CACNA2D1: variants seen among roughly 807,000 people sequenced by gnomAD.
CACNA2D1 encodes voltage-dependent calcium channel subunit alpha-2/delta-1.
CACNA2D1 carries 53 observed loss-of-function variants against 171.5 expected under a neutral mutation model. The observed-to-expected ratio is 0.31, with a 90% CI of 0.25 to 0.39. The LOEUF (loss-of-function observed/expected upper bound fraction) is 0.39. CACNA2D1 is among the 10% of genes least tolerant of loss of function. The probability of loss-of-function intolerance (pLI) is 1.00; values close to 1 mark genes in which losing one functional copy is unlikely to be tolerated. For synonymous variants in CACNA2D1, 442 were observed against 443.1 expected (o/e 1.00, Z 0.03); for missense variants, 903 against 1,299.8 (o/e 0.69, Z 4.69).
chr7:82,169,356 T>C (rs1244513513), intron 4 of CACNA2D1, among the ~76,000 whole-genome samples: 1 of 152,022 alleles, frequency 6.6e-6, no homozygotes, highest in Admixed American at 6.6e-5. Flanking sequence ...ATAATATTAA[T>C]ACCAATCAAG....
chr7:81,960,220 G>C (rs536032517), intron 36 of CACNA2D1, among the ~76,000 whole-genome samples: 3 of 152,108 alleles, frequency 2.0e-5, no homozygotes, highest in African/African-American at 7.2e-5. Context: ...AAAATGTCTA[G>C]GCATCTTGCC....
chr7:82,208,992 G>A (rs968708569), intron 3 of CACNA2D1, among the ~76,000 whole-genome samples: 1 of 151,996 alleles, frequency 6.6e-6, no homozygotes. Flanking sequence ...AAAAAGAAAA[G>A]CTCAGCTTAT....
At chr7:82,286,037 CCT>C (rs1563311090) in intron 3 of CACNA2D1, among the ~76,000 whole-genome samples, 1 of 152,150 alleles carries the variant, frequency 6.6e-6, no homozygotes, top group African/African-American at 2.4e-5. Flanking sequence ...GTCTCTTCTT[CCT>C]CTCTGTCTCT....
At chr7:82,400,009 T>C (rs1826185663) in intron 1 of CACNA2D1, among the ~76,000 whole-genome samples, 1 of 152,014 alleles carries the variant, frequency 6.6e-6, no homozygotes, top group Non-Finnish European at 1.5e-5. Context: ...ATCAGATAGT[T>C]GTAGATATGC....
In CACNA2D1 at chr7:81,950,410, G is replaced by A. The variant is rs777880132; in HGVS notation, c.3258C>T (p.Ser1086=). ...QFLLLWLVSG[S]THRLL ...TAGAAGGTCATAACAGGCGGTGTGT[G>A]CTGCCAGATACCAGCCAAAGTAGTA... Residue 1086 remains serine (S), a synonymous_variant, in exon 39 of 39, where the codon AGC becomes AGT. Coordinates refer to ENST00000356860, the MANE Select transcript of CACNA2D1 (RefSeq NM_000722.4). 5 of 1,613,172 alleles carry A rather than the reference G, an allele frequency of 3.1e-6. No individual in the cohort carries two copies. Among genetic ancestry groups the A allele is most frequent in the Non-Finnish European group, 4.2e-6 (5 of 1,179,532 alleles).
intron 18 of CACNA2D1, among the ~76,000 whole-genome samples, chr7:82,000,120 A>ATG (rs1798432942): frequency 6.6e-6 from 1 of 152,068 alleles, no homozygotes; most frequent in Non-Finnish European, 1.5e-5. Context: ...TTAGATGGGC[A>ATG]TGGTGGCCAG....
intron 3 of CACNA2D1, among the ~76,000 whole-genome samples, chr7:82,256,577 T>C (rs1006919954): frequency 2.6e-5 from 4 of 152,222 alleles, no homozygotes; most frequent in African/African-American, 7.2e-5. Flanking sequence ...ATTTTACATG[T>C]ATAGTGTATA....
At chr7:82,389,044 A>C (rs111762261) in intron 1 of CACNA2D1, among the ~76,000 whole-genome samples, 15,469 of 151,374 alleles carry the variant, frequency 0.1, 1,023 homozygotes, top group African/African-American at 0.19. Context: ...TTAACCTGGG[A>C]GGTGGAGGTT....
intron 1 of CACNA2D1, among the ~76,000 whole-genome samples, chr7:82,360,243 A>G (rs1302792209): frequency 6.6e-6 from 1 of 152,186 alleles, no homozygotes; most frequent in African/African-American, 2.4e-5. Context: ...AGTCTGTTTC[A>G]TTGATAGAAA....
At chr7:82,217,390 C>CACACATATATATATATAT (rs1402573092) in intron 3 of CACNA2D1, among the ~76,000 whole-genome samples, 2 of 54,446 alleles carry the variant, frequency 3.7e-5, no homozygotes, top group East Asian at 3.8e-4. Context: ...CACACACACA[C>CACACATATATATATATAT]ATACATATAT....
chr7:82,023,250 A>G (rs1483011239), intron 12 of CACNA2D1, among the ~76,000 whole-genome samples: 1 of 151,926 alleles, frequency 6.6e-6, no homozygotes, highest in African/African-American at 2.4e-5. Context: ...AAGCAAATGT[A>G]TTTTAATTTG....
intron 24 of CACNA2D1, among the ~76,000 whole-genome samples, chr7:81,977,033 TAC>T (rs1226663752): frequency 6.6e-6 from 1 of 152,158 alleles, no homozygotes; most frequent in Non-Finnish European, 1.5e-5. Context: ...CCTATTTGAA[TAC>T]CCTTTATTTC....
intron 3 of CACNA2D1, among the ~76,000 whole-genome samples, chr7:82,232,569 T>C (rs999620050): frequency 6.6e-6 from 1 of 152,038 alleles, no homozygotes; most frequent in Non-Finnish European, 1.5e-5. Flanking sequence ...GAGATTCTAA[T>C]ATTAAGACTT....
intron 12 of CACNA2D1, among the ~76,000 whole-genome samples, chr7:82,014,728 A>T (rs1263088171): frequency 6.6e-6 from 1 of 152,150 alleles, no homozygotes; most frequent in Non-Finnish European, 1.5e-5. Context: ...ATCCTCAGGC[A>T]GGAGTATGAC....
At chr7:82,261,508 T>C (rs1433749561) in intron 3 of CACNA2D1, among the ~76,000 whole-genome samples, 1 of 152,182 alleles carries the variant, frequency 6.6e-6, no homozygotes, top group African/African-American at 2.4e-5. Context: ...ATGAGATAAG[T>C]ATTAACGAGA....
At chr7:82,171,833 A>G (rs1257367278) in intron 3 of CACNA2D1, among the ~76,000 whole-genome samples, 1 of 152,134 alleles carries the variant, frequency 6.6e-6, no homozygotes, top group Non-Finnish European at 1.5e-5. Flanking sequence ...GGTTTAAAAA[A>G]TTACAAATCT....
chr7:82,214,065 C>G (rs1270310151), intron 3 of CACNA2D1, among the ~76,000 whole-genome samples: 1 of 152,084 alleles, frequency 6.6e-6, no homozygotes, highest in East Asian at 1.9e-4. Context: ...TCTGGGGTTT[C>G]TTTTATAAGA....
rs993158637 is a variant in CACNA2D1 at position 81,956,299 on chromosome 7, G to A, written c.3159+2976C>T. 1.3e-4 allele frequency among the ~76,000 whole-genome samples: 19 copies of A among 151,868 alleles called. No homozygotes were observed. In the East Asian group the frequency reaches 3.7e-3, roughly 29 times the overall value. On this transcript the variant is annotated intron_variant, in intron 38 of 38. Coordinates refer to ENST00000356860, the MANE Select transcript of CACNA2D1 (RefSeq NM_000722.4). ...GTTGCTATAAGTTTTTAAGAGAAAG[G>A]TAAAAAGAGAGCTGGCCTACTCAAG...
chr7:82,354,805 G>A (rs1820237480), intron 1 of CACNA2D1, among the ~76,000 whole-genome samples: 1 of 152,086 alleles, frequency 6.6e-6, no homozygotes, highest in Non-Finnish European at 1.5e-5. Flanking sequence ...ACATTCAGAT[G>A]AATGTGGGGC....
Sources: gnomAD v4.1 joint callset for allele counts (sites outside exome capture counted in the v4.1 genomes callset) on GRCh38, gnomAD v4.1.1 for gene constraint, MANE v1.5 for transcripts, NCBI Gene and HGNC (gene_info 2026-07-23, HGNC 2026-07-21) for gene names.